Variants in RBPJ observed in about 807,000 individuals in gnomAD.
The protein encoded by RBPJ is recombining binding protein suppressor of hairless.
A neutral mutation model predicts 67.8 loss-of-function variants in RBPJ; 9 were observed. The observed-to-expected ratio is 0.13, with a 90% CI of 0.08 to 0.23. RBPJ has a LOEUF of 0.23. Among genes scored for constraint, RBPJ ranks in the 10% least tolerant of loss-of-function variants. The pLI, the probability that RBPJ is intolerant of heterozygous loss-of-function variation, is 1.00. For synonymous variants in RBPJ, 198 were observed against 203.3 expected (o/e 0.97, Z 0.22); for missense variants, 305 against 595.6 (o/e 0.51, Z 5.08).
intron 1 of RBPJ, among the ~76,000 whole-genome samples, chr4:26,335,521 T>C (rs561916191): frequency 6.6e-6 from 1 of 151,830 alleles, no homozygotes; most frequent in Non-Finnish European, 1.5e-5. Context: ...GTTCTCTTCT[T>C]TTTGCTCGCT....
Position 26,200,472 on chromosome 4 carries a change from C to T in RBPJ, c.-167+36858C>T, listed in dbSNP as rs530193284. On this transcript the variant is annotated intron_variant, in intron 1 of 4. Coordinates refer to the RBPJ transcript ENST00000512351. ...TCACCTGAGCCCAGGAGTTTGTGAC[C>T]AGCCTAGGTAACATAGGGATACCCT... 1.1e-3 allele frequency among the ~76,000 whole-genome samples: 173 copies of T among 152,100 alleles called. 5 individuals carry two copies. The South Asian group carries it at 0.036, about 31-fold the overall frequency.
At position 26,313,986 on chromosome 4, in the gene RBPJ, C is replaced by A. The variant is rs76779632; in HGVS notation, c.-166-48460C>A. 5.5e-3 allele frequency among the ~76,000 whole-genome samples: 838 copies of A among 152,052 alleles called. 10 individuals carry two copies. The highest frequency in any genetic ancestry group is 0.019 in the African/African-American group (806 of 41,466). ...TTATAGGAAATATATATACATAGTA[C>A]AAAATTCAAAGGATCCAAGATAGAC... On this transcript the variant is annotated intron_variant, in intron 1 of 4. Transcript: ENST00000512351.
At chr4:26,205,991 A>T (rs1228952569) in intron 1 of RBPJ, among the ~76,000 whole-genome samples, 1 of 109,714 alleles carries the variant, frequency 9.1e-6, no homozygotes, top group African/African-American at 3.6e-5. Flanking sequence ...AATATGATAT[A>T]TGCGTATTTT....
intron 1 of RBPJ, among the ~76,000 whole-genome samples, chr4:26,309,033 A>ATTT (rs35277701): frequency 2.1e-5 from 3 of 141,248 alleles, no homozygotes; most frequent in Admixed American, 7.1e-5. Flanking sequence ...TAATTATCTA[A>ATTT]TTTTTTTTTT....
At chr4:26,306,537 C>T (rs1176124300) in intron 1 of RBPJ, among the ~76,000 whole-genome samples, 1 of 151,972 alleles carries the variant, frequency 6.6e-6, no homozygotes, top group African/African-American at 2.4e-5. Flanking sequence ...GCAACCTCCA[C>T]CTCCCAGGTT....
intron 1 of RBPJ, among the ~76,000 whole-genome samples, chr4:26,380,911 G>C (rs554023695): frequency 1.3e-5 from 2 of 151,002 alleles, no homozygotes; most frequent in Non-Finnish European, 2.9e-5. Flanking sequence ...ACAACCCAAG[G>C]GCAAGTAGGG....
intron 1 of RBPJ, among the ~76,000 whole-genome samples, chr4:26,275,384 A>G (rs1721044729): frequency 6.6e-6 from 1 of 152,184 alleles, no homozygotes; most frequent in Non-Finnish European, 1.5e-5. Flanking sequence ...TCCTAGGAAG[A>G]TAATGAAAAG....
intron 1 of RBPJ, among the ~76,000 whole-genome samples, chr4:26,200,479 G>C (rs894512661): frequency 1.3e-5 from 2 of 151,996 alleles, no homozygotes; most frequent in East Asian, 1.9e-4. Context: ...GACCAGCCTA[G>C]GTAACATAGG....
intron 1 of RBPJ, among the ~76,000 whole-genome samples, chr4:26,275,199 G>A (rs535029797): frequency 9.2e-5 from 14 of 152,322 alleles, no homozygotes; most frequent in South Asian, 2.1e-4. Context: ...CGGCATCAAG[G>A]TGTGGAACCG....
At chr4:26,317,080 CA>C, upstream of RBPJ, among the ~76,000 whole-genome samples, 1 of 151,582 alleles carries the variant, frequency 6.6e-6, no homozygotes, top group South Asian at 2.1e-4. Flanking sequence ...ACAAACTAGA[CA>C]AAAGTCCTTG....
chr4:26,292,452 G>C (rs1236867872), intron 1 of RBPJ, among the ~76,000 whole-genome samples: 1 of 150,082 alleles, frequency 6.7e-6, no homozygotes, highest in Non-Finnish European at 1.5e-5. Context: ...ATGGAGTCTA[G>C]CTCTGTTGCC....
At chr4:26,387,448 A>G (rs943201611) in intron 2 of RBPJ, among the ~76,000 whole-genome samples, 1 of 152,182 alleles carries the variant, frequency 6.6e-6, no homozygotes, top group Non-Finnish European at 1.5e-5. Flanking sequence ...AAATGGGGCA[A>G]AGAGGATAGC....
intron 2 of RBPJ, among the ~76,000 whole-genome samples, chr4:26,386,986 AGAAAATGAGAT>A (rs1178591611): frequency 1.3e-5 from 2 of 152,136 alleles, no homozygotes; most frequent in African/African-American, 2.4e-5. Flanking sequence ...GTGTCTTTCA[AGAAAATGAGAT>A]ATATATATAT....
At chr4:26,306,211 T>C (rs1722233718) in intron 1 of RBPJ, among the ~76,000 whole-genome samples, 1 of 152,158 alleles carries the variant, frequency 6.6e-6, no homozygotes, top group Non-Finnish European at 1.5e-5. Flanking sequence ...TGCCTAATTG[T>C]CCTGGCTAGA....
intron 1 of RBPJ, among the ~76,000 whole-genome samples, chr4:26,304,189 T>C (rs940516889): frequency 2.0e-5 from 3 of 152,248 alleles, no homozygotes; most frequent in Non-Finnish European, 4.4e-5. Context: ...TCATACTTTA[T>C]GTCTTTTTAT....
intron 1 of RBPJ, among the ~76,000 whole-genome samples, chr4:26,248,644 G>A (rs1577356454): frequency 1.3e-5 from 2 of 152,158 alleles, no homozygotes; most frequent in Non-Finnish European, 2.9e-5. Context: ...ATATAACAGT[G>A]AATAATTCCC....
At chr4:26,396,015 A>T (rs528660341) in intron 2 of RBPJ, among the ~76,000 whole-genome samples, 1 of 152,196 alleles carries the variant, frequency 6.6e-6, no homozygotes, top group Non-Finnish European at 1.5e-5. Flanking sequence ...TCACTTTGAG[A>T]CAGGAGAGCA....
At chr4:26,151,695 C>T in the RBPJ span, among the ~76,000 whole-genome samples, 2 of 152,226 alleles carry the variant, frequency 1.3e-5, no homozygotes, top group Admixed American at 1.3e-4. Flanking sequence ...TACCCAGTCC[C>T]TCTGCTGGGT....
intron 1 of RBPJ, among the ~76,000 whole-genome samples, chr4:26,362,908 A>G (rs1475061515): frequency 6.6e-6 from 1 of 152,150 alleles, no homozygotes; most frequent in Non-Finnish European, 1.5e-5. Context: ...TCATTCACCA[A>G]ATAGTTTAGG....
Sources: allele counts gnomAD v4.1 joint callset (sites outside exome capture counted in the v4.1 genomes callset), GRCh38; gene constraint gnomAD v4.1.1; transcripts MANE v1.5; gene names NCBI Gene and HGNC (gene_info 2026-07-23, HGNC 2026-07-21).